Variants in SOD2 observed in about 807,000 individuals in gnomAD.
SOD2 encodes superoxide dismutase 2.
SOD2 carries 11 observed loss-of-function variants against 27.0 expected under a neutral mutation model. The observed-to-expected ratio is 0.41, with a 90% CI of 0.26 to 0.67. The LOEUF (loss-of-function observed/expected upper bound fraction) is 0.67, where lower values mean the gene tolerates loss of function less well. Ranked by LOEUF, SOD2 falls within the 30% of genes least tolerant of loss-of-function variation. The probability of loss-of-function intolerance (pLI) is 0.34; values close to 1 mark genes in which losing one functional copy is unlikely to be tolerated. For synonymous variants in SOD2, 105 were observed against 103.0 expected (o/e 1.02, Z -0.12); for missense variants, 250 against 274.5 (o/e 0.91, Z 0.63).
intron 1 of SOD2, chr6:159,739,014 A>G (rs761460882): frequency 4.3e-6 from 7 of 1,612,410 alleles, no homozygotes; most frequent in East Asian, 2.2e-5. Flanking sequence ...AACAGACTTC[A>G]AAGTTATGGC....
intron 1 of SOD2, chr6:159,713,276 CTATA>C (rs1777864488): frequency 1.4e-6 from 1 of 691,518 alleles, no homozygotes; most frequent in African/African-American, 1.8e-5. Context: ...ATCATAGCCT[CTATA>C]CCCTCCACCA....
upstream of SOD2, among the ~76,000 whole-genome samples, chr6:159,747,504 G>T (rs1390736426): frequency 6.6e-6 from 1 of 152,066 alleles, no homozygotes; most frequent in Non-Finnish European, 1.5e-5. Context: ...ACTTTATTTT[G>T]GCTTAAGGTC....
chr6:159,745,996 C>T (rs1211639267), upstream of SOD2, among the ~76,000 whole-genome samples: 1 of 152,076 alleles, frequency 6.6e-6, no homozygotes, highest in Non-Finnish European at 1.5e-5. Context: ...AGGATAGATC[C>T]TACAAAGATC....
At chr6:159,756,827 C>T (rs560697420) in intron 1 of SOD2, among the ~76,000 whole-genome samples, 11 of 152,264 alleles carry the variant, frequency 7.2e-5, no homozygotes, top group African/African-American at 2.4e-4. Flanking sequence ...TGGCCTCAAA[C>T]TCCTGGCCCC....
At chr6:159,712,819 T>A in intron 1 of SOD2, 1 of 566,562 alleles carries the variant, frequency 1.8e-6, no homozygotes, top group Non-Finnish European at 3.5e-6. Flanking sequence ...TCTCCCATCA[T>A]TTGCCTACCA....
intron 1 of SOD2, among the ~76,000 whole-genome samples, chr6:159,744,526 CCTGTT>C (rs1779453442): frequency 1.7e-5 from 1 of 58,806 alleles, no homozygotes; most frequent in Non-Finnish European, 3.9e-5. Flanking sequence ...TGGGCACAGT[CCTGTT>C]CTGTTTCTTT....
intron 1 of SOD2, among the ~76,000 whole-genome samples, chr6:159,732,886 A>AGTGT (rs67554039): frequency 0.055 from 8,023 of 146,374 alleles, 245 homozygotes; most frequent in East Asian, 0.072. Flanking sequence ...ATATATATAT[A>AGTGT]GTGTGTGTGT....
chr6:159,721,776 C>T (rs1028267103), intron 1 of SOD2, among the ~76,000 whole-genome samples: 4 of 146,602 alleles, frequency 2.7e-5, no homozygotes, highest in South Asian at 2.2e-4. Flanking sequence ...CTGCTAGCCT[C>T]GGCCTCCCAA....
At chr6:159,754,285 G>A (rs923597141) in intron 1 of SOD2, among the ~76,000 whole-genome samples, 2 of 152,192 alleles carry the variant, frequency 1.3e-5, no homozygotes, top group African/African-American at 4.8e-5. Context: ...ATTATTTCCT[G>A]TGACTTTTGT....
upstream of SOD2, among the ~76,000 whole-genome samples, chr6:159,698,205 G>A (rs995880523): frequency 9.9e-5 from 15 of 151,798 alleles, no homozygotes; most frequent in African/African-American, 3.6e-4. Flanking sequence ...CCCGGGAGGC[G>A]GCAGCTGCAG....
At chr6:159,721,536 T>C (rs190912585) in intron 1 of SOD2, among the ~76,000 whole-genome samples, 172 of 152,070 alleles carry the variant, frequency 1.1e-3, no homozygotes, top group African/African-American at 3.5e-3. Context: ...GCCCGGCTAA[T>C]TTTGTATTTT....
At chr6:159,692,374 G>T in intron 2 of SOD2, 1 of 1,309,134 alleles carries the variant, frequency 7.6e-7, no homozygotes. Flanking sequence ...ATTCACCAGT[G>T]CTGGCAATAT....
At chr6:159,685,596 A>G (rs1174900416) in intron 3 of SOD2, among the ~76,000 whole-genome samples, 4 of 152,088 alleles carry the variant, frequency 2.6e-5, no homozygotes, top group Non-Finnish European at 1.5e-5. Context: ...CACGGGTATC[A>G]TATGATGCTG....
chr6:159,737,107 G>C (rs574818373), intron 1 of SOD2, among the ~76,000 whole-genome samples: 1 of 152,182 alleles, frequency 6.6e-6, no homozygotes. Context: ...GAGTGCAGTG[G>C]TGCAATCTTG....
At chr6:159,715,467 T>G (rs1296122063) in intron 1 of SOD2, among the ~76,000 whole-genome samples, 1 of 151,774 alleles carries the variant, frequency 6.6e-6, no homozygotes, top group African/African-American at 2.4e-5. Context: ...GTCTTTAATT[T>G]GTGGGGAACA....
At chr6:159,713,249 T>C in intron 1 of SOD2, 2 of 739,506 alleles carry the variant, frequency 2.7e-6, no homozygotes, top group Non-Finnish European at 4.7e-6. Flanking sequence ...ATATCCATCA[T>C]TACAGCCACG....
At chr6:159,713,937 G>C (rs1777877748) in intron 1 of SOD2, 4 of 865,664 alleles carry the variant, frequency 4.6e-6, no homozygotes, top group Non-Finnish European at 1.8e-6. Flanking sequence ...GACCAGGATA[G>C]GCCCTGGACC....
intron 1 of SOD2, chr6:159,713,741 T>G (rs1188976649): frequency 1.1e-6 from 1 of 922,534 alleles, no homozygotes; most frequent in East Asian, 2.4e-5. Context: ...TAGACTTGAA[T>G]ACTTCAACGT....
Position 159,693,201 on chromosome 6 carries a change from G to T in SOD2, c.-34C>A. The T allele has an allele frequency of 6.6e-7, 1 of 1,515,478 alleles. No homozygotes were observed. The highest frequency in any genetic ancestry group is 8.9e-7 in the Non-Finnish European group (1 of 1,129,364). The allele number at this position is 1,515,478 out of a possible 1,614,324, so 93.9% of individuals were successfully genotyped here. On this transcript the variant is annotated 5_prime_UTR_variant, in exon 1 of 5. Transcript: ENST00000538183. The stretch of plus-strand genomic sequence containing the variant: ...TGCTGGTGCTACCGCTGATGCCGCC[G>T]ATCTGCTGAAGCCGCTGCCGAAGCC...
Sources: gnomAD v4.1 joint callset for allele counts (sites outside exome capture counted in the v4.1 genomes callset) on GRCh38, gnomAD v4.1.1 for gene constraint, MANE v1.5 for transcripts, NCBI Gene and HGNC (gene_info 2026-07-23, HGNC 2026-07-21) for gene names.